PDE4B: variants seen among roughly 807,000 people sequenced by gnomAD.
The protein encoded by PDE4B is 3',5'-cyclic-AMP phosphodiesterase 4B.
A neutral mutation model predicts 82.2 loss-of-function variants in PDE4B; 20 were observed. The observed-to-expected ratio is 0.24, with a 90% CI of 0.17 to 0.35. PDE4B has a LOEUF of 0.35. PDE4B is among the 10% of genes least tolerant of loss of function. The probability of loss-of-function intolerance (pLI) is 1.00; values close to 1 mark genes in which losing one functional copy is unlikely to be tolerated. For synonymous variants in PDE4B, 320 were observed against 318.9 expected, an observed-to-expected ratio of 1.00 and a Z score of -0.04; for missense variants, 655 against 907.2, an observed-to-expected ratio of 0.72 and a Z score of 3.57.
intron 3 of PDE4B, among the ~76,000 whole-genome samples, chr1:65,961,988 G>C (rs1362173918): frequency 1.3e-5 from 2 of 152,136 alleles, no homozygotes; most frequent in African/African-American, 4.8e-5. Context: ...ATTACAACCT[G>C]ATAAACCCAT....
chr1:66,191,652 C>T (rs771569245), intron 3 of PDE4B, among the ~76,000 whole-genome samples: 6 of 151,930 alleles, frequency 3.9e-5, no homozygotes, highest in Admixed American at 6.6e-5. Context: ...GAATCGAGAG[C>T]GTTACCTAGA....
intron 3 of PDE4B, among the ~76,000 whole-genome samples, chr1:66,104,234 C>G (rs1645289533): frequency 6.6e-6 from 1 of 151,914 alleles, no homozygotes. Context: ...TGATGATTTC[C>G]AATTTCATCC....
chr1:66,147,520 A>G (rs1481705539), intron 3 of PDE4B, among the ~76,000 whole-genome samples: 2 of 152,182 alleles, frequency 1.3e-5, no homozygotes, highest in African/African-American at 2.4e-5. Flanking sequence ...TAAACACACA[A>G]TTTCAGGGGA....
chr1:66,020,334 C>T (rs1281444996), intron 3 of PDE4B, among the ~76,000 whole-genome samples: 1 of 151,932 alleles, frequency 6.6e-6, no homozygotes, highest in African/African-American at 2.4e-5. Flanking sequence ...TTTTAATATA[C>T]TTTAAGCTCT....
At chr1:65,920,959 CTTTTTTTTTTTTT>C (rs71058435) in intron 3 of PDE4B, among the ~76,000 whole-genome samples, 53 of 68,176 alleles carry the variant, frequency 7.8e-4, no homozygotes, top group East Asian at 5.2e-4. Context: ...AAAAGCATTT[CTTTTTTTTTTTTT>C]TTTTTTTTTT....
intron 3 of PDE4B, among the ~76,000 whole-genome samples, chr1:66,075,320 T>G (rs1373904720): frequency 6.6e-6 from 1 of 152,050 alleles, no homozygotes. Flanking sequence ...AAATTTTTGT[T>G]TGAACAGCTG....
intron 3 of PDE4B, among the ~76,000 whole-genome samples, chr1:65,964,664 C>T (rs1366136993): frequency 1.3e-5 from 2 of 152,136 alleles, no homozygotes; most frequent in African/African-American, 4.8e-5. Context: ...AATTCTACAT[C>T]TCCAGTAAGT....
At chr1:66,225,281 G>C (rs1314431153) in intron 3 of PDE4B, among the ~76,000 whole-genome samples, 1 of 152,138 alleles carries the variant, frequency 6.6e-6, no homozygotes, top group African/African-American at 2.4e-5. Flanking sequence ...ACTCACTTCA[G>C]CCAGGCTTGG....
intron 3 of PDE4B, among the ~76,000 whole-genome samples, chr1:66,186,404 G>A (rs924061399): frequency 3.9e-5 from 6 of 152,064 alleles, no homozygotes; most frequent in Non-Finnish European, 8.8e-5. Context: ...AGATAGCATC[G>A]AATCTATAAA....
At chr1:65,809,934 T>A (rs1046166698) in intron 1 of PDE4B, among the ~76,000 whole-genome samples, 1 of 152,274 alleles carries the variant, frequency 6.6e-6, no homozygotes, top group Admixed American at 6.5e-5. Context: ...CTGCTGTGGA[T>A]CTTTTTGGTG....
At chr1:65,869,395 T>C (rs760467419) in intron 1 of PDE4B, among the ~76,000 whole-genome samples, 1 of 152,198 alleles carries the variant, frequency 6.6e-6, no homozygotes, top group Non-Finnish European at 1.5e-5. Context: ...TTGTTTAAAG[T>C]TATGGGATTT....
chr1:65,999,952 C>A (rs181989876), intron 3 of PDE4B, among the ~76,000 whole-genome samples: 12 of 152,182 alleles, frequency 7.9e-5, no homozygotes, highest in African/African-American at 2.9e-4. Flanking sequence ...TGCTCTCTTT[C>A]TGTCAGTAGA....
chr1:66,093,753 G>A (rs921768317), intron 3 of PDE4B, among the ~76,000 whole-genome samples: 1 of 151,924 alleles, frequency 6.6e-6, no homozygotes, highest in African/African-American at 2.4e-5. Flanking sequence ...AAAATCACAT[G>A]CTTAGCAATC....
intron 12 of PDE4B, among the ~76,000 whole-genome samples, chr1:66,364,680 G>A (rs1171191154): frequency 6.6e-6 from 1 of 152,134 alleles, no homozygotes; most frequent in Admixed American, 6.6e-5. Context: ...TGGAGCTAAG[G>A]GTGTTTGATC....
chr1:66,355,088 G>T, intron 8 of PDE4B: 2 of 447,596 alleles, frequency 4.5e-6, no homozygotes. Flanking sequence ...TTTTAATCCT[G>T]TTCTTTTTAC....
intron 7 of PDE4B, among the ~76,000 whole-genome samples, chr1:66,328,457 T>A (rs1158288939): frequency 1.3e-5 from 2 of 152,232 alleles, no homozygotes; most frequent in South Asian, 2.1e-4. Flanking sequence ...CATGGGCATG[T>A]AACCTGTTGG....
intron 7 of PDE4B, among the ~76,000 whole-genome samples, chr1:66,325,567 C>A (rs372329710): frequency 6.6e-6 from 1 of 152,186 alleles, no homozygotes; most frequent in African/African-American, 2.4e-5. Context: ...TGTGAAAAAA[C>A]GATCCATCAG....
At chr1:65,875,911 CTGCACAATGTGCACA>C (rs1277073528) in intron 1 of PDE4B, among the ~76,000 whole-genome samples, 1 of 151,346 alleles carries the variant, frequency 6.6e-6, no homozygotes, top group Non-Finnish European at 1.5e-5. Flanking sequence ...TGTAACTAAC[CTGCACAATGTGCACA>C]TGTACCCTAA....
At chr1:65,894,099 C>A (rs552859298) in intron 1 of PDE4B, among the ~76,000 whole-genome samples, 67 of 151,956 alleles carry the variant, frequency 4.4e-4, no homozygotes, top group African/African-American at 1.6e-3. Flanking sequence ...CACTAAAGAA[C>A]TTATCCATGT....
Sources: allele counts gnomAD v4.1 joint callset (sites outside exome capture counted in the v4.1 genomes callset), GRCh38; gene constraint gnomAD v4.1.1; transcripts MANE v1.5; gene names NCBI Gene and HGNC (gene_info 2026-07-23, HGNC 2026-07-21).